Variants in AGMO observed in about 807,000 individuals in gnomAD.
AGMO encodes the protein alkylglycerol monooxygenase, also known as glyceryl-ether monooxygenase.
A neutral mutation model predicts 60.2 loss-of-function variants in AGMO; 75 were observed. The observed-to-expected ratio is 1.25, with a 90% CI of 1.03 to 1.51. The LOEUF (loss-of-function observed/expected upper bound fraction) is 1.51. Ranked by LOEUF, AGMO falls within the 40% of genes most tolerant of loss-of-function variation. AGMO has a pLI of 0.00. For missense variants in AGMO, 763 were observed against 525.5 expected, an observed-to-expected ratio of 1.45 and a Z score of -4.42; for synonymous variants, 261 against 177.1, an observed-to-expected ratio of 1.47 and a Z score of -3.76.
chr7:15,144,968 T>G, the AGMO span, among the ~76,000 whole-genome samples: 1 of 152,144 alleles, frequency 6.6e-6, no homozygotes, highest in Non-Finnish European at 1.5e-5. Context: ...TAGCTGGGAC[T>G]ACAGGCGCCC....
chr7:15,386,263 C>CT (rs969635728), intron 9 of AGMO, among the ~76,000 whole-genome samples: 2 of 152,092 alleles, frequency 1.3e-5, no homozygotes, highest in Non-Finnish European at 2.9e-5. Context: ...TTGGAAACAA[C>CT]TTTTCTAAAG....
chr7:15,492,204 A>G (rs1436944190), intron 3 of AGMO, among the ~76,000 whole-genome samples: 1 of 152,164 alleles, frequency 6.6e-6, no homozygotes, highest in Non-Finnish European at 1.5e-5. Flanking sequence ...CTAGAATCTA[A>G]TTATCAAAGA....
At chr7:15,309,525 T>C (rs1780708047) in intron 12 of AGMO, among the ~76,000 whole-genome samples, 1 of 152,134 alleles carries the variant, frequency 6.6e-6, no homozygotes, top group Non-Finnish European at 1.5e-5. Context: ...AGATCTCATC[T>C]AGCCAATGTA....
intron 12 of AGMO, among the ~76,000 whole-genome samples, chr7:15,236,873 G>A (rs1259384133): frequency 6.6e-6 from 1 of 151,868 alleles, no homozygotes; most frequent in Non-Finnish European, 1.5e-5. Context: ...GCACACCTCT[G>A]ACCTAAAACC....
intron 12 of AGMO, among the ~76,000 whole-genome samples, chr7:15,347,209 C>T (rs950674019): frequency 3.3e-5 from 5 of 152,006 alleles, no homozygotes; most frequent in African/African-American, 1.2e-4. Context: ...TATGCACGTA[C>T]AACCGTATAT....
chr7:15,403,374 T>C (rs921478184), intron 5 of AGMO, among the ~76,000 whole-genome samples: 1 of 151,776 alleles, frequency 6.6e-6, no homozygotes, highest in South Asian at 2.1e-4. Flanking sequence ...ATAATCTGTA[T>C]GGGTTTCATT....
chr7:15,139,539 C>T, the AGMO span, among the ~76,000 whole-genome samples: 6 of 152,038 alleles, frequency 3.9e-5, no homozygotes, highest in South Asian at 2.1e-4. Flanking sequence ...AGTAGGCCCC[C>T]GTGCCTGTAG....
chr7:15,280,484 C>T (rs1183835430), intron 12 of AGMO, among the ~76,000 whole-genome samples: 3 of 152,190 alleles, frequency 2.0e-5, no homozygotes, highest in African/African-American at 7.2e-5. Flanking sequence ...CCTGACCCAG[C>T]CCCCACCTGG....
chr7:15,379,326 G>T (rs1380157992), intron 10 of AGMO, among the ~76,000 whole-genome samples: 1 of 152,006 alleles, frequency 6.6e-6, no homozygotes, highest in Non-Finnish European at 1.5e-5. Flanking sequence ...ACAAATCCAG[G>T]AGCTGTTTTG....
chr7:15,270,240 G>A (rs1055989491), intron 12 of AGMO, among the ~76,000 whole-genome samples: 1 of 151,910 alleles, frequency 6.6e-6, no homozygotes, highest in Non-Finnish European at 1.5e-5. Context: ...CTTGTAAAAG[G>A]GTTCCCTTTT....
At chr7:15,190,207 A>ATATATATATATATT in the AGMO span, among the ~76,000 whole-genome samples, 1 of 1,866 alleles carries the variant, frequency 5.4e-4, no homozygotes, top group Non-Finnish European at 1.2e-3. Context: ...ATATTTATAT[A>ATATATATATATATT]TATATATATA....
chr7:15,258,665 G>A (rs759052325), intron 12 of AGMO, among the ~76,000 whole-genome samples: 50 of 152,158 alleles, frequency 3.3e-4, no homozygotes, highest in Non-Finnish European at 5.4e-4. Context: ...CCCTCACAGA[G>A]TCCCCTCCAC....
intron 5 of AGMO, among the ~76,000 whole-genome samples, chr7:15,412,922 G>A (rs900028382): frequency 6.6e-6 from 1 of 151,954 alleles, no homozygotes; most frequent in Non-Finnish European, 1.5e-5. Context: ...CAACAAATCT[G>A]CCATAATGAT....
chr7:15,432,305 C>CAT (rs1416689531), intron 3 of AGMO, among the ~76,000 whole-genome samples: 1 of 133,018 alleles, frequency 7.5e-6, no homozygotes, highest in Non-Finnish European at 1.6e-5. Context: ...AAATCATGGT[C>CAT]ATATATATGT....
At chr7:15,440,682 A>T (rs1781529596) in intron 3 of AGMO, among the ~76,000 whole-genome samples, 1 of 152,194 alleles carries the variant, frequency 6.6e-6, no homozygotes, top group African/African-American at 2.4e-5. Context: ...GCTCCACTTT[A>T]TAGTCGTCAT....
At chr7:15,442,443 G>A (rs1040952656) in intron 3 of AGMO, among the ~76,000 whole-genome samples, 1 of 152,074 alleles carries the variant, frequency 6.6e-6, no homozygotes, top group Non-Finnish European at 1.5e-5. Context: ...GAGATGGAAG[G>A]TTTTATGTAG....
chr7:15,176,955 T>C, the AGMO span, among the ~76,000 whole-genome samples: 1 of 152,042 alleles, frequency 6.6e-6, no homozygotes, highest in Non-Finnish European at 1.5e-5. Flanking sequence ...CACTGCTTAA[T>C]CACATGACCA....
chr7:15,218,976 T>C (rs1342503889), intron 12 of AGMO, among the ~76,000 whole-genome samples: 1 of 152,204 alleles, frequency 6.6e-6, no homozygotes, highest in African/African-American at 2.4e-5. Context: ...AGTTAAAATA[T>C]GTAATATGAA....
At chr7:15,174,475 T>C in the AGMO span, among the ~76,000 whole-genome samples, 96 of 152,238 alleles carry the variant, frequency 6.3e-4, no homozygotes, top group African/African-American at 2.2e-3. Flanking sequence ...TTTTATCACA[T>C]TGGTAAAAGC....
Sources: gnomAD v4.1 joint callset for allele counts (sites outside exome capture counted in the v4.1 genomes callset) on GRCh38, gnomAD v4.1.1 for gene constraint, MANE v1.5 for transcripts, NCBI Gene and HGNC (gene_info 2026-07-23, HGNC 2026-07-21) for gene names.